Variants in JARID2 observed in about 807,000 individuals in gnomAD.
JARID2 encodes protein Jumonji.
A neutral mutation model predicts 125.6 loss-of-function variants in JARID2; 21 were observed. The observed-to-expected ratio is 0.17, with a 90% CI of 0.12 to 0.24. The LOEUF (loss-of-function observed/expected upper bound fraction) is 0.24. Ranked by LOEUF, JARID2 falls within the 10% of genes least tolerant of loss-of-function variation. The probability of loss-of-function intolerance (pLI) is 1.00; values close to 1 mark genes in which losing one functional copy is unlikely to be tolerated. For missense variants in JARID2, 1,303 were observed against 1,639.6 expected (o/e 0.79, Z 3.55); for synonymous variants, 736 against 661.6 (o/e 1.11, Z -1.73).
intron 2 of JARID2, among the ~76,000 whole-genome samples, chr6:15,392,536 G>C (rs572986708): frequency 6.6e-6 from 1 of 152,154 alleles, no homozygotes; most frequent in Non-Finnish European, 1.5e-5. Context: ...ATGTTGGTCA[G>C]CATGGTCAGC....
intron 2 of JARID2, among the ~76,000 whole-genome samples, chr6:15,388,588 AATAT>A (rs67600299): frequency 6.8e-6 from 1 of 147,308 alleles, no homozygotes; most frequent in African/African-American, 2.5e-5. Context: ...TATATTATAA[AATAT>A]ATATATATAA....
At chr6:15,453,496 A>G (rs1281754230) in intron 4 of JARID2, among the ~76,000 whole-genome samples, 2 of 151,976 alleles carry the variant, frequency 1.3e-5, no homozygotes, top group African/African-American at 2.4e-5. Flanking sequence ...CCCTTTCCAC[A>G]CTCGTGTTCA....
rs933294625 is a variant in JARID2 at position 15,283,815 on chromosome 6, C to T, written c.45+37231C>T. ...CCACCTCCTGGGTTCATGCCATTCT[C>T]CTGCCTCAGCTTCCTGAGTAGCTGG... On this transcript the variant is annotated intron_variant, in intron 1 of 17. Coordinates refer to ENST00000341776, the MANE Select transcript of JARID2 (RefSeq NM_004973.4). Among the ~76,000 whole-genome samples, 19 of 151,556 alleles carry T rather than the reference C, an allele frequency of 1.3e-4. No homozygotes were observed. In the South Asian group the frequency reaches 4.0e-3, roughly 32 times the overall value.
At chr6:15,418,419 T>G (rs948514751) in intron 3 of JARID2, among the ~76,000 whole-genome samples, 1 of 152,176 alleles carries the variant, frequency 6.6e-6, no homozygotes, top group Non-Finnish European at 1.5e-5. Context: ...TTTCACCATG[T>G]TGGCCAGGAT....
chr6:15,264,964 C>A (rs777774994), intron 1 of JARID2, among the ~76,000 whole-genome samples: 3 of 152,132 alleles, frequency 2.0e-5, no homozygotes, highest in Non-Finnish European at 4.4e-5. Flanking sequence ...GGGTTTCAGG[C>A]TTAATTCATT....
intron 3 of JARID2, among the ~76,000 whole-genome samples, chr6:15,430,826 C>T (rs759670468): frequency 2.6e-5 from 4 of 152,246 alleles, no homozygotes; most frequent in African/African-American, 9.6e-5. Flanking sequence ...CCAGACCAGT[C>T]TTGGGGTACT....
intron 1 of JARID2, among the ~76,000 whole-genome samples, chr6:15,260,456 A>G (rs1214220612): frequency 3.3e-5 from 5 of 152,232 alleles, no homozygotes; most frequent in Admixed American, 6.5e-5. Flanking sequence ...AATAAAGAAC[A>G]TATTTGGCTT....
intron 3 of JARID2, among the ~76,000 whole-genome samples, chr6:15,430,318 A>G (rs1766916515): frequency 6.6e-6 from 1 of 152,240 alleles, no homozygotes; most frequent in Non-Finnish European, 1.5e-5. Context: ...TTTATAGAAT[A>G]TTTCAAGTAT....
At chr6:15,252,318 T>TA (rs1289732419) in intron 1 of JARID2, among the ~76,000 whole-genome samples, 3 of 151,930 alleles carry the variant, frequency 2.0e-5, no homozygotes, top group Admixed American at 6.6e-5. Flanking sequence ...CTTTTTTTTT[T>TA]AAAAATTGTT....
In JARID2 at chr6:15,517,078, C is replaced by T. The variant is rs868377120; in HGVS notation, c.3451-83C>T. The T allele has an allele frequency of 3.7e-5, 37 of 1,004,512 alleles. No individual in the cohort carries two copies. The East Asian group carries it at 5.3e-4, about 14-fold the overall frequency. 62.2% of individuals were successfully genotyped at this position (1,004,512 alleles called of 1,614,324 possible). A position where few individuals can be genotyped will look rare whatever the true frequency, so the allele number is the denominator to read the frequency against. On this transcript the variant is annotated intron_variant, in intron 16 of 17. Coordinates refer to ENST00000341776, the MANE Select transcript of JARID2 (RefSeq NM_004973.4). The stretch of plus-strand genomic sequence containing the variant: ...GCGGGCAGTGGGTGTGGTGGCTGCC[C>T]GGCCGGGCGTGCTCCTACCTTACCC...
chr6:15,301,131 C>T (rs1251627147), intron 1 of JARID2, among the ~76,000 whole-genome samples: 6 of 152,188 alleles, frequency 3.9e-5, no homozygotes, highest in Non-Finnish European at 8.8e-5. Context: ...TACAATTACT[C>T]AAATCCCAGG....
intron 1 of JARID2, among the ~76,000 whole-genome samples, chr6:15,270,287 C>T (rs916120937): frequency 1.3e-5 from 2 of 152,098 alleles, no homozygotes; most frequent in Non-Finnish European, 2.9e-5. Context: ...CATTTGCCAC[C>T]ACACCTGGCT....
chr6:15,410,249 G>A lies in JARID2; in HGVS notation c.207G>A (p.Lys69=). 1 of 1,614,088 alleles carries A rather than the reference G, an allele frequency of 6.2e-7. No individual in the cohort carries two copies. The highest frequency in any genetic ancestry group is 1.1e-5 in the South Asian group (1 of 91,074). Residue 69 remains lysine, a synonymous_variant, in exon 3 of 18, where the codon AAG becomes AAA. Coordinates refer to ENST00000341776, the MANE Select transcript of JARID2 (RefSeq NM_004973.4). The part of the protein sequence containing the change: ...VNGLLGNDQS[K]GLGPASEQSE... ...GGCTCCTTGGTAATGACCAGTCTAA[G>A]GGATTAGGACCAGCATCAGAACAGT...
At chr6:15,282,540 T>C (rs766820560) in intron 1 of JARID2, among the ~76,000 whole-genome samples, 47 of 151,988 alleles carry the variant, frequency 3.1e-4, no homozygotes, top group African/African-American at 4.1e-4. Flanking sequence ...TTCTCTCTCT[T>C]TCTCTCTCTG....
intron 1 of JARID2, among the ~76,000 whole-genome samples, chr6:15,305,753 C>T (rs1761798415): frequency 1.3e-5 from 2 of 152,092 alleles, no homozygotes; most frequent in South Asian, 4.1e-4. Context: ...TTTGGAGCAC[C>T]CCTCCAATAT....
At chr6:15,283,658 A>C (rs11961083) in intron 1 of JARID2, among the ~76,000 whole-genome samples, 26,890 of 150,422 alleles carry the variant, frequency 0.18, 3,125 homozygotes, top group African/African-American at 0.33. Flanking sequence ...ATATTTATTA[A>C]ATATGTTGCA....
intron 1 of JARID2, among the ~76,000 whole-genome samples, chr6:15,304,303 T>TCCCCCCCCCCCCCCCCCCC (rs61333394): frequency 1.9e-4 from 5 of 26,750 alleles, no homozygotes; most frequent in Admixed American, 7.0e-4. Flanking sequence ...AATTTGCTGA[T>TCCCCCCCCCCCCCCCCCCC]CCCCCCCCCC....
intron 3 of JARID2, among the ~76,000 whole-genome samples, chr6:15,443,017 T>C (rs1159605376): frequency 1.3e-5 from 2 of 152,154 alleles, no homozygotes; most frequent in Admixed American, 1.3e-4. Context: ...TGTAGATATT[T>C]AGTGCTATTA....
intron 1 of JARID2, among the ~76,000 whole-genome samples, chr6:15,363,166 C>T (rs970591626): frequency 4.6e-5 from 7 of 152,074 alleles, no homozygotes; most frequent in African/African-American, 1.2e-4. Flanking sequence ...AAAAAGTTTG[C>T]GTTAAATTTG....
Sources: allele counts gnomAD v4.1 joint callset (sites outside exome capture counted in the v4.1 genomes callset), GRCh38; gene constraint gnomAD v4.1.1; transcripts MANE v1.5; gene names NCBI Gene and HGNC (gene_info 2026-07-23, HGNC 2026-07-21).